The following NRF1 variants were observed in gnomAD, a reference collection of about 807,000 sequenced individuals.
NRF1 encodes the protein nuclear respiratory factor 1.
NRF1 carries 5 observed loss-of-function variants against 58.5 expected under a neutral mutation model. The observed-to-expected ratio is 0.09, with a 90% CI of 0.04 to 0.18. The LOEUF (loss-of-function observed/expected upper bound fraction) is 0.18, where lower values mean the gene tolerates loss of function less well. Among genes scored for constraint, NRF1 ranks in the 10% least tolerant of loss-of-function variants. The pLI, the probability that NRF1 is intolerant of heterozygous loss-of-function variation, is 1.00. For missense variants in NRF1, 288 were observed against 657.7 expected (o/e 0.44, Z 6.15); for synonymous variants, 224 against 246.7 (o/e 0.91, Z 0.86).
intron 1 of NRF1, among the ~76,000 whole-genome samples, chr7:129,622,081 G>A (rs78285558): frequency 0.023 from 3,531 of 151,882 alleles, 142 homozygotes; most frequent in African/African-American, 0.082. Context: ...GTGACCGGCC[G>A]AAATGTATTT....
At chr7:129,618,690 G>C (rs1036311715) in intron 1 of NRF1, among the ~76,000 whole-genome samples, 4 of 152,120 alleles carry the variant, frequency 2.6e-5, no homozygotes, top group Non-Finnish European at 5.9e-5. Context: ...GTAAGACCCT[G>C]TCTATAAAAA....
intron 2 of NRF1, among the ~76,000 whole-genome samples, chr7:129,661,350 T>C (rs1013048031): frequency 1.3e-5 from 2 of 151,388 alleles, no homozygotes; most frequent in Non-Finnish European, 2.9e-5. Context: ...CTTGAAGTTT[T>C]CCTCAGAAAA....
intron 1 of NRF1, chr7:129,633,661 C>T (rs993380189): frequency 6.6e-6 from 1 of 152,080 alleles, no homozygotes; most frequent in East Asian, 1.9e-4. Context: ...CTTCCACCAG[C>T]AACATGGAAT....
At chr7:129,716,301 A>G (rs530104196) in intron 8 of NRF1, among the ~76,000 whole-genome samples, 14 of 152,280 alleles carry the variant, frequency 9.2e-5, no homozygotes, top group African/African-American at 3.1e-4. Flanking sequence ...TTGTATAATG[A>G]TAAAATAATA....
At chr7:129,716,749 T>C (rs1050409556) in intron 8 of NRF1, among the ~76,000 whole-genome samples, 3 of 152,000 alleles carry the variant, frequency 2.0e-5, no homozygotes, top group African/African-American at 7.3e-5. Context: ...TACACACCTA[T>C]AGTCCCAACT....
intron 5 of NRF1, among the ~76,000 whole-genome samples, chr7:129,704,726 A>AT (rs1247525223): frequency 6.6e-6 from 1 of 152,176 alleles, no homozygotes; most frequent in Non-Finnish European, 1.5e-5. Context: ...TTCTTAGGGT[A>AT]TTTTTAATAA....
At chr7:129,677,804 G>T in intron 4 of NRF1, 46 bp downstream of exon 4, 2 of 1,606,158 alleles carry the variant, frequency 1.2e-6, no homozygotes, top group Non-Finnish European at 1.7e-6. Context: ...GCTTTCTGTC[G>T]GCTGCTTCCA....
intron 5 of NRF1, among the ~76,000 whole-genome samples, chr7:129,695,441 G>A (rs1802666157): frequency 6.6e-6 from 1 of 151,930 alleles, no homozygotes; most frequent in Non-Finnish European, 1.5e-5. Context: ...GCCAGGTGTG[G>A]TGGCACGCCC....
intron 1 of NRF1, among the ~76,000 whole-genome samples, chr7:129,621,751 T>G (rs1800800851): frequency 6.6e-6 from 1 of 151,824 alleles, no homozygotes; most frequent in African/African-American, 2.4e-5. Flanking sequence ...AATTTTTGGC[T>G]CTATTATTTT....
intron 1 of NRF1, among the ~76,000 whole-genome samples, chr7:129,655,522 C>CT (rs35659044): frequency 0.72 from 106,569 of 148,840 alleles, 38,122 homozygotes; most frequent in African/African-American, 0.76. Flanking sequence ...TCTTCCTGAT[C>CT]TTTTTTTTTT....
chr7:129,699,496 T>C (rs1802769008), intron 5 of NRF1, among the ~76,000 whole-genome samples: 1 of 151,970 alleles, frequency 6.6e-6, no homozygotes, highest in African/African-American at 2.4e-5. Context: ...AGCGGATCAC[T>C]TGAGGTCTGG....
chr7:129,704,601 AT>A (rs1416915172), intron 5 of NRF1, among the ~76,000 whole-genome samples: 1 of 152,114 alleles, frequency 6.6e-6, no homozygotes, highest in Non-Finnish European at 1.5e-5. Context: ...ATATTTTTGG[AT>A]TTTTTTAACA....
chr7:129,614,987 G>A (rs1184873250), intron 1 of NRF1, among the ~76,000 whole-genome samples: 1 of 152,196 alleles, frequency 6.6e-6, no homozygotes, highest in Non-Finnish European at 1.5e-5. Context: ...AGCTCCTGTG[G>A]TCTGGGATTA....
intron 1 of NRF1, among the ~76,000 whole-genome samples, chr7:129,635,213 G>A (rs1801142202): frequency 6.6e-6 from 1 of 152,174 alleles, no homozygotes; most frequent in Admixed American, 6.5e-5. Context: ...TCAGAGATGG[G>A]AAAAGGGAAA....
intron 10 of NRF1, among the ~76,000 whole-genome samples, chr7:129,735,836 G>A (rs1012419281): frequency 4.6e-5 from 7 of 151,848 alleles, no homozygotes; most frequent in Admixed American, 3.3e-4. Flanking sequence ...GTGAAACCCC[G>A]TCTCTACTAA....
chr7:129,619,396 GTATATATATATATATATATA>G (rs749333673), intron 1 of NRF1, among the ~76,000 whole-genome samples: 3 of 47,366 alleles, frequency 6.3e-5, no homozygotes, highest in African/African-American at 2.1e-4. Flanking sequence ...TGGCATACGT[GTATATATATATATATATATA>G]TATATATATA....
chr7:129,657,886 C>T (rs1452360832), intron 2 of NRF1, among the ~76,000 whole-genome samples: 5 of 152,126 alleles, frequency 3.3e-5, no homozygotes, highest in African/African-American at 9.7e-5. Flanking sequence ...ATTGGCATTA[C>T]GGGTGTGAGT....
At chr7:129,614,445 G>T (rs897285801) in intron 1 of NRF1, among the ~76,000 whole-genome samples, 1 of 126,744 alleles carries the variant, frequency 7.9e-6, no homozygotes, top group African/African-American at 2.5e-5. Context: ...ATATGTATTT[G>T]TGTGTGTGTG....
intron 10 of NRF1, among the ~76,000 whole-genome samples, chr7:129,752,944 C>T (rs887557639): frequency 3.9e-5 from 6 of 152,170 alleles, no homozygotes; most frequent in East Asian, 1.9e-4. Context: ...CGACTGGCCA[C>T]GTCTTCCATT....
Sources: gnomAD v4.1 joint callset for allele counts (sites outside exome capture counted in the v4.1 genomes callset) on GRCh38, gnomAD v4.1.1 for gene constraint, MANE v1.5 for transcripts, NCBI Gene and HGNC (gene_info 2026-07-23, HGNC 2026-07-21) for gene names.